The following AGBL1 variants were observed in gnomAD, a reference collection of about 807,000 sequenced individuals.
The protein encoded by AGBL1 is cytosolic carboxypeptidase 4.
A neutral mutation model predicts 118.9 loss-of-function variants in AGBL1; 130 were observed. That is an observed-to-expected ratio of 1.09 (90% CI 0.95 to 1.26). The LOEUF is 1.26. Ranked by LOEUF, AGBL1 falls within the 50% of genes most tolerant of loss-of-function variation. The probability of loss-of-function intolerance (pLI) is 0.00; values close to 1 mark genes in which losing one functional copy is unlikely to be tolerated. For synonymous variants in AGBL1, 555 were observed against 478.9 expected (o/e 1.16, Z -2.08); for missense variants, 1,584 against 1,298.1 (o/e 1.22, Z -3.38).
At chr15:86,894,675 A>G (rs1048577849) in intron 22 of AGBL1, among the ~76,000 whole-genome samples, 8 of 152,236 alleles carry the variant, frequency 5.3e-5, no homozygotes, top group African/African-American at 1.9e-4. Context: ...CAAAGGCAGT[A>G]CAAGGAGCAG....
intron 18 of AGBL1, among the ~76,000 whole-genome samples, chr15:86,497,921 G>T (rs900383395): frequency 6.6e-6 from 1 of 151,738 alleles, no homozygotes; most frequent in Non-Finnish European, 1.5e-5. Context: ...TTTCTTGTCT[G>T]TTATCATCCT....
chr15:86,235,965 G>A (rs1189266179), intron 6 of AGBL1, among the ~76,000 whole-genome samples: 3 of 152,156 alleles, frequency 2.0e-5, no homozygotes, highest in Admixed American at 6.5e-5. Context: ...GAAAAATAGT[G>A]TTCTATACAG....
At chr15:86,639,459 G>A (rs151203355) in intron 21 of AGBL1, among the ~76,000 whole-genome samples, 7 of 152,274 alleles carry the variant, frequency 4.6e-5, no homozygotes, top group African/African-American at 1.7e-4. Flanking sequence ...GTGGCTAAAT[G>A]TGATTTCAGT....
chr15:86,603,747 GC>G (rs1422011559), intron 21 of AGBL1, among the ~76,000 whole-genome samples: 3 of 152,108 alleles, frequency 2.0e-5, no homozygotes, highest in African/African-American at 7.2e-5. Flanking sequence ...TACTGAAAGT[GC>G]CAAAAAAAAT....
At chr15:86,682,856 C>G (rs1448959234) in intron 22 of AGBL1, among the ~76,000 whole-genome samples, 1 of 152,110 alleles carries the variant, frequency 6.6e-6, no homozygotes, top group African/African-American at 2.4e-5. Flanking sequence ...AATATTATCT[C>G]TCTTAATCCT....
At chr15:86,897,266 C>A (rs557058689) in intron 22 of AGBL1, among the ~76,000 whole-genome samples, 2 of 152,240 alleles carry the variant, frequency 1.3e-5, no homozygotes, top group South Asian at 2.1e-4. Context: ...GACATAGAGA[C>A]AGTATTCAGT....
chr15:86,169,944 A>G (rs1052088407), intron 5 of AGBL1, among the ~76,000 whole-genome samples: 3 of 152,206 alleles, frequency 2.0e-5, no homozygotes, highest in Non-Finnish European at 4.4e-5. Context: ...ATTTATTGGA[A>G]CACAAAAATA....
intron 17 of AGBL1, among the ~76,000 whole-genome samples, chr15:86,354,875 C>T (rs935390071): frequency 1.3e-5 from 2 of 152,048 alleles, no homozygotes; most frequent in African/African-American, 4.8e-5. Flanking sequence ...TGGAATCAGA[C>T]GTGGTAGAAA....
chr15:86,243,326 TA>T (rs2078668209), intron 6 of AGBL1, among the ~76,000 whole-genome samples: 1 of 152,216 alleles, frequency 6.6e-6, no homozygotes, highest in African/African-American at 2.4e-5. Context: ...GGATCTGCAC[TA>T]AAGAGGCACA....
chr15:86,119,486 C>T (rs942115548), intron 1 of AGBL1, among the ~76,000 whole-genome samples: 11 of 152,126 alleles, frequency 7.2e-5, no homozygotes, highest in Non-Finnish European at 1.0e-4. Context: ...CCTGAAGAGA[C>T]ACCAGATTCA....
Position 86,448,602 on chromosome 15 carries a change from G to A in AGBL1, c.2555+51056G>A, listed in dbSNP as rs370009141. Among the ~76,000 whole-genome samples the A allele has an allele frequency of 1.4e-4, 22 of 152,338 alleles. 1 individual carries two copies. The South Asian group carries it at 4.6e-3, about 32-fold the overall frequency. Reference sequence around the variant, plus strand: ...CTGATATGACAGTTGTGTCTAGAGTGTCTTAGAGGAAGGTGAATTAGAAGA... The same window carrying A: ...CTGATATGACAGTTGTGTCTAGAGTATCTTAGAGGAAGGTGAATTAGAAGA... On this transcript the variant is annotated intron_variant, in intron 18 of 22. Transcript: ENST00000614907.
intron 4 of AGBL1, among the ~76,000 whole-genome samples, chr15:86,155,136 A>C (rs186775239): frequency 6.6e-6 from 1 of 152,306 alleles, no homozygotes; most frequent in Admixed American, 6.5e-5. Context: ...TTTTGTATTT[A>C]GACCCATAAT....
chr15:86,953,061 T>G (rs897956736), intron 23 of AGBL1, among the ~76,000 whole-genome samples: 6 of 152,156 alleles, frequency 3.9e-5, no homozygotes, highest in Non-Finnish European at 7.4e-5. Context: ...ACCATGCTGT[T>G]TTGGTTACTA....
intron 18 of AGBL1, among the ~76,000 whole-genome samples, chr15:86,479,595 G>A (rs1442822213): frequency 1.3e-5 from 2 of 152,180 alleles, no homozygotes; most frequent in African/African-American, 4.8e-5. Context: ...TGCTGGAGAG[G>A]ATGTGGAGAA....
intron 9 of AGBL1, 36 bp downstream of exon 9, chr15:86,258,067 T>C (rs1376656075): frequency 6.3e-7 from 1 of 1,594,264 alleles, no homozygotes; most frequent in East Asian, 2.2e-5. Context: ...ATGATGTCCA[T>C]AGTCACATCA....
intron 24 of AGBL1, among the ~76,000 whole-genome samples, chr15:87,025,557 G>A (rs62031618): frequency 6.6e-6 from 1 of 151,870 alleles, no homozygotes; most frequent in Non-Finnish European, 1.5e-5. Context: ...TCAATATTGT[G>A]AAAATAACGT....
At chr15:86,357,655 A>G (rs941975718) in intron 17 of AGBL1, among the ~76,000 whole-genome samples, 2 of 151,882 alleles carry the variant, frequency 1.3e-5, no homozygotes, top group Non-Finnish European at 2.9e-5. Context: ...TCCCTCCTTT[A>G]CCTTTCTAAT....
intron 23 of AGBL1, among the ~76,000 whole-genome samples, chr15:86,980,245 C>T (rs1032432879): frequency 1.1e-4 from 16 of 152,236 alleles, no homozygotes; most frequent in African/African-American, 3.4e-4. Context: ...AGAATTTCAC[C>T]ACCTGTTTAT....
Position 86,615,021 on chromosome 15 carries a change from G to A in AGBL1, c.2995-59252G>A, listed in dbSNP as rs1347942836. Among the ~76,000 whole-genome samples, 1 of 152,178 alleles carries A rather than the reference G, an allele frequency of 6.6e-6. No individual in the cohort carries two copies. Among genetic ancestry groups the A allele is most frequent in the Admixed American group, 6.5e-5 (1 of 15,280 alleles). ...ACTAGAATGGTGAGAGTTCATGGCAGGGCAATTTGGATAAAGTAATTAGGA... is the reference window on the plus strand; with the variant it reads ...ACTAGAATGGTGAGAGTTCATGGCAAGGCAATTTGGATAAAGTAATTAGGA... On this transcript the variant is annotated intron_variant, in intron 21 of 22. Coordinates refer to ENST00000614907, the MANE Select transcript of AGBL1 (RefSeq NM_001386094.1). The surrounding 1 kb of genome is among the most constrained non-coding windows in gnomAD (Gnocchi z 4.3).
Sources: gnomAD v4.1 joint callset for allele counts (sites outside exome capture counted in the v4.1 genomes callset) on GRCh38, gnomAD v4.1.1 for gene constraint, Gnocchi (gnomAD v3.1) non-coding constraint, MANE v1.5 for transcripts, NCBI Gene and HGNC (gene_info 2026-07-23, HGNC 2026-07-21) for gene names.